Variants in ABCB1 observed in about 807,000 individuals in gnomAD.
ABCB1 encodes ATP binding cassette subfamily B member 1.
In ABCB1, 69 loss-of-function variants were observed where a neutral mutation model predicts 142.0. The ratio of observed to expected loss-of-function variants is 0.49; its 90% CI spans 0.40 to 0.59. ABCB1 has a LOEUF of 0.59. ABCB1 is among the 20% of genes least tolerant of loss of function. The probability of loss-of-function intolerance (pLI) is 0.00; values close to 1 mark genes in which losing one functional copy is unlikely to be tolerated. For synonymous variants in ABCB1, 532 were observed against 539.2 expected (o/e 0.99, Z 0.18); for missense variants, 1,326 against 1,554.7 (o/e 0.85, Z 2.47).
intron 25 of ABCB1, among the ~76,000 whole-genome samples, chr7:87,514,225 T>C (rs1815136122): frequency 6.6e-6 from 1 of 152,314 alleles, no homozygotes; most frequent in East Asian, 1.9e-4. Flanking sequence ...CCATCTGACT[T>C]GTACTAGCAG....
At chr7:87,555,608 A>G (rs1008728883) in intron 8 of ABCB1, among the ~76,000 whole-genome samples, 3 of 152,352 alleles carry the variant, frequency 2.0e-5, no homozygotes, top group Admixed American at 1.3e-4. Flanking sequence ...CTTCATAGTG[A>G]CAACATAGCA....
At chr7:87,617,435 GACA>G (rs1237094900) in intron 1 of ABCB1, among the ~76,000 whole-genome samples, 3 of 152,176 alleles carry the variant, frequency 2.0e-5, no homozygotes, top group Non-Finnish European at 4.4e-5. Flanking sequence ...ATTTAACAAT[GACA>G]ACATGTGTCC....
chr7:87,569,928 T>C (rs114542908), intron 5 of ABCB1, among the ~76,000 whole-genome samples: 448 of 152,320 alleles, frequency 2.9e-3, no homozygotes, highest in African/African-American at 0.01. Flanking sequence ...TCTAATTTCC[T>C]TATATATTAA....
At chr7:87,575,735 A>T (rs1033991355) in intron 4 of ABCB1, among the ~76,000 whole-genome samples, 1 of 152,184 alleles carries the variant, frequency 6.6e-6, no homozygotes. Flanking sequence ...TGATTCCAGG[A>T]ACTACAGTCT....
chr7:87,655,067 C>T (rs549160514), intron 1 of ABCB1, among the ~76,000 whole-genome samples: 2 of 151,920 alleles, frequency 1.3e-5, no homozygotes, highest in Non-Finnish European at 2.9e-5. Context: ...AAAAGGGAAC[C>T]CTTGTAGTAG....
chr7:87,703,765 T>C (rs1829295687), intron 1 of ABCB1, among the ~76,000 whole-genome samples: 1 of 151,872 alleles, frequency 6.6e-6, no homozygotes, highest in Non-Finnish European at 1.5e-5. Context: ...TTGACCTCTG[T>C]TTCCTCAAAC....
At chr7:87,557,246 CCT>C (rs1379172165) in intron 8 of ABCB1, among the ~76,000 whole-genome samples, 7 of 152,096 alleles carry the variant, frequency 4.6e-5, no homozygotes, top group African/African-American at 1.4e-4. Flanking sequence ...CACAAAATAA[CCT>C]CTGTTTCTGA....
At chr7:87,652,939 A>G (rs1344967256) in intron 1 of ABCB1, among the ~76,000 whole-genome samples, 5 of 151,978 alleles carry the variant, frequency 3.3e-5, no homozygotes, top group East Asian at 1.9e-4. Context: ...TTGAAGTAAA[A>G]GGACATTTGT....
chr7:87,516,673 G>A lies in ABCB1; in HGVS notation c.2928-8C>T. 1 of 1,588,514 alleles carries A rather than the reference G, an allele frequency of 6.3e-7. No homozygotes were observed. Among genetic ancestry groups the A allele is most frequent in the Non-Finnish European group, 8.6e-7 (1 of 1,169,124 alleles). On this transcript the variant is annotated splice_region_variant and splice_polypyrimidine_tract_variant and intron_variant, in intron 23 of 27. Transcript: ENST00000622132. ...ACAACAGCTGAAAATACTCTGGAAA[G>A]CACAAACACAAAACATGTGCACAGC... is the stretch of plus-strand genomic sequence containing the variant.
At chr7:87,623,793 A>T (rs1414719545) in intron 1 of ABCB1, among the ~76,000 whole-genome samples, 1 of 151,716 alleles carries the variant, frequency 6.6e-6, no homozygotes, top group Non-Finnish European at 1.5e-5. Context: ...CTCCCAGTAG[A>T]TTCATTGCAT....
chr7:87,524,633 T>G (rs973352297), intron 21 of ABCB1, among the ~76,000 whole-genome samples: 2 of 151,918 alleles, frequency 1.3e-5, no homozygotes, highest in African/African-American at 2.4e-5. Context: ...ATACCTAATG[T>G]TAAATGACGA....
intron 1 of ABCB1, among the ~76,000 whole-genome samples, chr7:87,707,106 G>C (rs763259529): frequency 2.2e-4 from 33 of 152,134 alleles, no homozygotes; most frequent in Non-Finnish European, 2.6e-4. Flanking sequence ...TACTCTGACT[G>C]ACTGCCAAAA....
chr7:87,531,733 T>C (rs4148739), intron 20 of ABCB1: 62,525 of 498,352 alleles, frequency 0.13, 4,195 homozygotes, highest in African/African-American at 0.17. Flanking sequence ...TCCTATCTCT[T>C]TGGATCTTTT....
At chr7:87,584,517 A>G (rs1387474448) in intron 4 of ABCB1, among the ~76,000 whole-genome samples, 3 of 152,164 alleles carry the variant, frequency 2.0e-5, no homozygotes, top group Non-Finnish European at 2.9e-5. Flanking sequence ...CAGAGATATC[A>G]ACCCATTCCT....
At chr7:87,522,376 C>T in intron 21 of ABCB1, 1 of 708,664 alleles carries the variant, frequency 1.4e-6, no homozygotes, top group Non-Finnish European at 2.6e-6. Flanking sequence ...ATGGCAGTTC[C>T]AGTAGCAGCA....
intron 1 of ABCB1, among the ~76,000 whole-genome samples, chr7:87,703,915 T>TTTTTTTTTTTTTTTTTTTTG (rs1829353332): frequency 1.1e-4 from 2 of 18,530 alleles, no homozygotes; most frequent in Non-Finnish European, 1.1e-4. Context: ...TTTTTTTTGG[T>TTTTTTTTTTTTTTTTTTTTG]TTTTTTTTTT....
At chr7:87,707,279 G>C (rs1278838437) in intron 1 of ABCB1, among the ~76,000 whole-genome samples, 2 of 152,112 alleles carry the variant, frequency 1.3e-5, no homozygotes, top group Non-Finnish European at 2.9e-5. Flanking sequence ...ATGGGTGATA[G>C]AGACTTTGGA....
rs2235012 is a variant in ABCB1, at chr7:87,549,411, C to T, written c.1662G>A (p.Leu554=). The change falls in exon 14 of 28, where the codon CTG becomes CTA. Residue 554 remains leucine, a synonymous_variant. Transcript: ENST00000622132. ...TGTCCAAGGCTGACGTGGCCTCATC[C>T]AGCAGGAGGATCTTGGGGTTGCGAA... ...ALVRNPKILL[L]DEATSALDTE... The T allele has an allele frequency of 6.2e-7, 1 of 1,614,088 alleles. No individual in the cohort carries two copies. The highest frequency in any genetic ancestry group is 2.2e-5 in the East Asian group (1 of 44,886).
chr7:87,624,446 T>A (rs953491585), intron 1 of ABCB1, among the ~76,000 whole-genome samples: 6 of 152,156 alleles, frequency 3.9e-5, no homozygotes, highest in African/African-American at 1.4e-4. Context: ...TTGAGGACAT[T>A]TTATATGTTG....
Sources: allele counts gnomAD v4.1 joint callset (sites outside exome capture counted in the v4.1 genomes callset), GRCh38; gene constraint gnomAD v4.1.1; transcripts MANE v1.5; gene names NCBI Gene and HGNC (gene_info 2026-07-23, HGNC 2026-07-21).